The following TRAPPC4 variants were observed in gnomAD, a reference collection of about 807,000 sequenced individuals.
TRAPPC4 encodes the protein TRS23 homolog.
Under a neutral mutation model 23.5 loss-of-function variants are expected in TRAPPC4, and 30 were observed. That is an observed-to-expected ratio of 1.28 (90% CI 0.96 to 1.73). The LOEUF (loss-of-function observed/expected upper bound fraction) is 1.73. TRAPPC4 is among the 40% of genes most tolerant of loss of function. The pLI is 0.00. For missense variants in TRAPPC4, 252 were observed against 268.9 expected, an observed-to-expected ratio of 0.94 and a Z score of 0.44; for synonymous variants, 129 against 105.3, an observed-to-expected ratio of 1.23 and a Z score of -1.38.
intron 3 of TRAPPC4, chr11:119,020,591 T>C: frequency 4.5e-6 from 1 of 222,328 alleles, no homozygotes; most frequent in Non-Finnish European, 9.2e-6. Context: ...TTATTAGAGA[T>C]GGTGTTTCTC....
At chr11:119,019,507 T>C in intron 2 of TRAPPC4, 190 bp downstream of exon 2, 1 of 610,718 alleles carries the variant, frequency 1.6e-6, no homozygotes. Context: ...AGTGGCGGGA[T>C]CTCGGCTCAC....
In TRAPPC4 at chr11:119,018,783, C is replaced by A. The variant is rs781990890; in HGVS notation, c.-13C>A. The A allele has an allele frequency of 6.2e-7, 1 of 1,609,894 alleles. No homozygotes were observed. Among genetic ancestry groups the A allele is most frequent in the Non-Finnish European group, 8.5e-7 (1 of 1,176,654 alleles). On this transcript the variant is annotated 5_prime_UTR_variant, in exon 1 of 5. Transcript: ENST00000533632. ...TAGAGGCTGAATACCAGTTTCCGAG[C>A]GGCAAGGCAGCGATGGCGATTTTTA...
At position 119,020,153 on chromosome 11, in the gene TRAPPC4, C is replaced by G. The variant is rs576608104; in HGVS notation, c.354C>G (p.Leu118=). ...KLMLASMFHS[L]FAIGSQLSPE... ...ACTTTGCCTCCTTTGCATATAGGCTCTTTGCCATCGGCTCCCAGCTGTCTC... is the reference window on the plus strand; with the variant it reads ...ACTTTGCCTCCTTTGCATATAGGCTGTTTGCCATCGGCTCCCAGCTGTCTC... Residue 118 remains leucine, a synonymous_variant, in exon 3 of 5, where the codon CTC becomes CTG. Coordinates refer to ENST00000533632, the MANE Select transcript of TRAPPC4 (RefSeq NM_016146.6). The G allele has an allele frequency of 9.3e-6, 15 of 1,613,418 alleles. No homozygotes were observed. The highest frequency in any genetic ancestry group is 1.3e-5 in the African/African-American group (1 of 74,926).
intron 3 of TRAPPC4, chr11:119,020,611 C>G: frequency 5.5e-6 from 1 of 183,424 alleles, no homozygotes; most frequent in South Asian, 9.1e-5. Context: ...CCATATTGGT[C>G]ATGGTGGTCT....
chr11:119,019,404 C>T, intron 2 of TRAPPC4, 87 bp downstream of exon 2: 27 of 1,395,716 alleles, frequency 1.9e-5, no homozygotes, highest in Non-Finnish European at 2.7e-5. Context: ...AAAACGCAAC[C>T]GATCCAGATC....
At chr11:119,021,648 T>C in intron 3 of TRAPPC4, 112 bp from the exon 4 acceptor site, 2 of 1,171,334 alleles carry the variant, frequency 1.7e-6, no homozygotes, top group Non-Finnish European at 2.4e-6. Flanking sequence ...AGAATAAAAT[T>C]AAAATAGGCT....
intron 2 of TRAPPC4, 68 bp from the exon 3 acceptor site, chr11:119,020,082 A>C (rs1380241573): frequency 2.6e-6 from 3 of 1,134,546 alleles, no homozygotes; most frequent in Non-Finnish European, 2.6e-6. Flanking sequence ...CTCAGCAAAT[A>C]GGGACACTTC....
At chr11:119,020,128 A>C in intron 2 of TRAPPC4, 22 bp from the exon 3 acceptor site, 1 of 1,595,858 alleles carries the variant, frequency 6.3e-7, no homozygotes, top group African/African-American at 1.3e-5. Flanking sequence ...CCTTAGAGCA[A>C]CTTTGCCTCC....
In TRAPPC4 at chr11:119,018,814, T is replaced by C; in HGVS notation, c.19T>C (p.Tyr7His). 1 of 1,614,126 alleles carries C rather than the reference T, an allele frequency of 6.2e-7. No homozygotes were observed. Among genetic ancestry groups the C allele is most frequent in the Non-Finnish European group, 8.5e-7 (1 of 1,179,996 alleles). Residue 7 changes from tyrosine (Y) to histidine (H), a missense_variant, in exon 1 of 5, where the codon TAT (tyrosine) becomes CAT (histidine). Around this residue, in one of 3 missense-constraint regions of TRAPPC4, gnomAD observed 222 missense variants for 217.8 expected, o/e 1.02. Transcript: ENST00000533632. ...GGCAGCGATGGCGATTTTTAGTGTG[T>C]ATGTGGTGAACAAAGCTGGCGGCTT... MAIFSV[Y>H]VVNKAGGLIY... is the part of the protein sequence containing the mutation.
chr11:119,021,907 G>C (rs1343025724), intron 4 of TRAPPC4, 21 bp downstream of exon 4: 2 of 1,613,772 alleles, frequency 1.2e-6, no homozygotes, highest in East Asian at 4.5e-5. Flanking sequence ...CCACTTCCCA[G>C]ATACTGTTTA....
At chr11:119,020,463 C>CA (rs1200391931) in intron 3 of TRAPPC4, 1 of 488,196 alleles carries the variant, frequency 2.0e-6, no homozygotes, top group African/African-American at 2.0e-5. Flanking sequence ...TCTTGTTGCC[C>CA]AGGCTGGAAT....
chr11:119,023,531 G>C lies in TRAPPC4; in HGVS notation c.*132G>C. On this transcript the variant is annotated 3_prime_UTR_variant, in exon 5 of 5. Transcript: ENST00000533632. The stretch of plus-strand genomic sequence containing the variant: ...GGGAGAATGCTGACCCTGATGACTT[G>C]TACTGATTCCTGAGCCTTAACACTG... 1 of 793,120 alleles carries C rather than the reference G, an allele frequency of 1.3e-6. No individual in the cohort carries two copies. Among genetic ancestry groups the C allele is most frequent in the Non-Finnish European group, 2.1e-6 (1 of 466,190 alleles). The allele number at this position is 793,120 out of a possible 1,614,324, so 49.1% of individuals were successfully genotyped here. A position where few individuals can be genotyped will look rare whatever the true frequency, so the allele number is the denominator to read the frequency against.
rs1490989143 is a variant in TRAPPC4 at position 119,018,948 on chromosome 11, C to G, written c.153C>G (p.Phe51Leu). The G allele has an allele frequency of 1.9e-6, 3 of 1,612,510 alleles. No homozygotes were observed. The African/African-American group carries it at 4.0e-5, about 22-fold the overall frequency. The change falls in exon 1 of 5, where the codon TTC (phenylalanine) becomes TTG (leucine). Residue 51 changes from phenylalanine (F) to leucine (L), a missense_variant. Transcript: ENST00000533632. ...ACGATGAGCGTGTGTTGGTTGCTTT[C>G]GGCCAGCGGGACGGCATCCGAGGTG... is the stretch of plus-strand genomic sequence containing the variant. The part of the protein sequence containing the change: ...KLHDERVLVA[F>L]GQRDGIRVGH...
chr11:119,021,972 G>A (rs1222973591), intron 4 of TRAPPC4, 86 bp downstream of exon 4: 1 of 1,503,840 alleles, frequency 6.6e-7, no homozygotes, highest in Non-Finnish European at 9.0e-7. Flanking sequence ...AAGCATAGTA[G>A]AGTATTACTT....
intron 2 of TRAPPC4, 185 bp from the exon 3 acceptor site, chr11:119,019,965 A>C (rs1313008664): frequency 3.8e-6 from 2 of 526,146 alleles, no homozygotes; most frequent in Admixed American, 6.6e-5. Flanking sequence ...GTAACAAAGT[A>C]TGAATGTAAA....
chr11:119,020,633 C>T (rs1453654404), intron 3 of TRAPPC4: 1 of 167,484 alleles, frequency 6.0e-6, no homozygotes, highest in East Asian at 1.8e-4. Flanking sequence ...AAACTCCCGA[C>T]CTCAGGTGAT....
At chr11:119,023,257 T>C in intron 4 of TRAPPC4, 64 bp from the exon 5 acceptor site, 1 of 1,522,886 alleles carries the variant, frequency 6.6e-7, no homozygotes, top group Non-Finnish European at 9.1e-7. Context: ...CAGTTTCCCC[T>C]GGCTTAAGTG....
In TRAPPC4 at chr11:119,018,785, G is replaced by A. The variant is rs782091792; in HGVS notation, c.-11G>A. The A allele has an allele frequency of 7.5e-6, 12 of 1,610,618 alleles. No individual in the cohort carries two copies. The highest frequency in any genetic ancestry group is 8.5e-6 in the Non-Finnish European group (10 of 1,177,258). On this transcript the variant is annotated 5_prime_UTR_variant, in exon 1 of 5. Coordinates refer to ENST00000533632, the MANE Select transcript of TRAPPC4 (RefSeq NM_016146.6). ...GAGGCTGAATACCAGTTTCCGAGCGGCAAGGCAGCGATGGCGATTTTTAGT... is the reference window on the plus strand; with the variant it reads ...GAGGCTGAATACCAGTTTCCGAGCGACAAGGCAGCGATGGCGATTTTTAGT...
At chr11:119,019,586 C>A (rs183189597) in intron 2 of TRAPPC4, 2 of 399,222 alleles carry the variant, frequency 5.0e-6, no homozygotes, top group Non-Finnish European at 9.2e-6. Context: ...GGATTACAGG[C>A]GCGTGCCACC....
Sources: allele counts gnomAD v4.1 joint callset, GRCh38; gene constraint gnomAD v4.1.1; regional missense constraint gnomAD v4.1.1; transcripts MANE v1.5; gene names NCBI Gene and HGNC (gene_info 2026-07-23, HGNC 2026-07-21).